KLHL15: variants seen among roughly 807,000 people sequenced by gnomAD.
KLHL15 encodes kelch-like protein 15.
Under a neutral mutation model 29.3 loss-of-function variants are expected in KLHL15, and 1 was observed. The ratio of observed to expected loss-of-function variants is 0.03; its 90% CI spans 0.01 to 0.16. The LOEUF is 0.16. Ranked by LOEUF, KLHL15 falls within the 10% of genes least tolerant of loss-of-function variation. The probability of loss-of-function intolerance (pLI) is 1.00; values close to 1 mark genes in which losing one functional copy is unlikely to be tolerated. For missense variants in KLHL15, 215 were observed against 478.5 expected, an observed-to-expected ratio of 0.45 and a Z score of 5.14; for synonymous variants, 212 against 184.5, an observed-to-expected ratio of 1.15 and a Z score of -1.21.
intron 2 of KLHL15, among the ~76,000 whole-genome samples, chrX:24,020,719 A>G (rs1344952926): frequency 1.3e-4 from 15 of 111,976 alleles, no homozygotes; most frequent in Non-Finnish European, 2.8e-4. Flanking sequence ...CAGCTTCCCT[A>G]GCCTTTAGAG....
chrX:24,025,122 G>A, intron 1 of KLHL15, 64 bp from the exon 2 acceptor site: 1 of 295,050 alleles, frequency 3.4e-6, no homozygotes, highest in East Asian at 4.8e-5. Context: ...AGGCGGCGCG[G>A]CGTCGGGGCC....
chrX:24,008,931 CTTCT>C (rs902972255), intron 2 of KLHL15, among the ~76,000 whole-genome samples: 4 of 108,604 alleles, frequency 3.7e-5, no homozygotes, highest in Non-Finnish European at 7.6e-5. Context: ...CTTTCCAAGT[CTTCT>C]TTCTCTTAGC....
chrX:24,016,814 T>A (rs990147106), intron 2 of KLHL15, among the ~76,000 whole-genome samples: 12 of 111,385 alleles, frequency 1.1e-4, no homozygotes, highest in Non-Finnish European at 2.1e-4. Flanking sequence ...TGCCCCTTCG[T>A]GTGGTACTAC....
intron 3 of KLHL15, among the ~76,000 whole-genome samples, chrX:24,000,144 G>A (rs934120530): frequency 8.9e-6 from 1 of 111,953 alleles, no homozygotes; most frequent in Non-Finnish European, 1.9e-5. Flanking sequence ...AAGCTTATTA[G>A]AAATTCTAAT....
In KLHL15 at chrX:24,022,925, G is replaced by T. The variant is rs1929843206; in HGVS notation, c.-8+1932C>A. 2.7e-5 allele frequency among the ~76,000 whole-genome samples: 3 copies of T among 109,713 alleles called. No homozygotes were observed. In the Admixed American group the frequency reaches 2.9e-4, roughly 11 times the overall value. Reference sequence around the variant, plus strand: ...AACTTTGTGTTTTTAGTAGAGACGGGGTTTCTCCACGTTGGTTAGGCTGGT... The same window carrying T: ...AACTTTGTGTTTTTAGTAGAGACGGTGTTTCTCCACGTTGGTTAGGCTGGT... On this transcript the variant is annotated intron_variant, in intron 2 of 3. Coordinates refer to ENST00000328046, the MANE Select transcript of KLHL15 (RefSeq NM_030624.3).
intron 2 of KLHL15, among the ~76,000 whole-genome samples, chrX:24,012,046 C>CG (rs760330799): frequency 1.8e-5 from 2 of 109,296 alleles, no homozygotes; most frequent in Non-Finnish European, 3.8e-5. Context: ...CTACTCAGGT[C>CG]GGGGGAGGCT....
At chrX:24,009,686 C>CAAA (rs748388349) in intron 2 of KLHL15, among the ~76,000 whole-genome samples, 3 of 34,217 alleles carry the variant, frequency 8.8e-5, no homozygotes, top group Admixed American at 4.5e-4. Flanking sequence ...GTTCCATTTT[C>CAAA]AAAAAAAAAA....
chrX:23,990,619 G>A (rs187114142), intron 3 of KLHL15, among the ~76,000 whole-genome samples: 19 of 110,962 alleles, frequency 1.7e-4, no homozygotes, highest in African/African-American at 5.9e-4. Context: ...GATATCAATA[G>A]GGAAAGCAGG....
intron 1 of KLHL15, among the ~76,000 whole-genome samples, chrX:24,026,865 C>T (rs1203636489): frequency 8.9e-6 from 1 of 111,990 alleles, no homozygotes; most frequent in Non-Finnish European, 1.9e-5. Context: ...ACTTTCTTTC[C>T]ATCTTTTCCA....
rs995143374 is a variant in KLHL15 at position 23,984,862 on chromosome X, A to G, written c.*3059T>C. ...ATGAGGTGTCCAAAGGTGCTGCTTT[A>G]GAAAAGATAAGTGAAGGGCTCAGTC... On this transcript the variant is annotated 3_prime_UTR_variant, in exon 4 of 4. Transcript: ENST00000328046. 1.8e-5 allele frequency: 2 copies of G among 112,468 alleles called. No homozygotes were observed. Among genetic ancestry groups the G allele is most frequent in the African/African-American group, 6.4e-5 (2 of 31,069 alleles). 9.3% of individuals were successfully genotyped at this position (112,468 alleles called of 1,213,427 possible).
rs1176487307 is a variant in KLHL15, at chrX:23,985,377, A to T, written c.*2544T>A. 1 of 112,151 alleles carries T rather than the reference A, an allele frequency of 8.9e-6. No individual in the cohort carries two copies. Among genetic ancestry groups the T allele is most frequent in the Non-Finnish European group, 1.9e-5 (1 of 53,224 alleles). The allele number at this position is 112,151 out of a possible 1,213,427, so 9.2% of individuals were successfully genotyped here. A position where few individuals can be genotyped will look rare whatever the true frequency, so the allele number is the denominator to read the frequency against. Reference sequence around the variant, plus strand: ...TCCATAGTTTAGTATAACAAAAATAAATCTCTTGCAGCAATAAAACCATAA... The same window carrying T: ...TCCATAGTTTAGTATAACAAAAATATATCTCTTGCAGCAATAAAACCATAA... On this transcript the variant is annotated 3_prime_UTR_variant, in exon 4 of 4. Transcript: ENST00000328046.
chrX:23,990,703 T>C (rs1035727167), intron 3 of KLHL15, among the ~76,000 whole-genome samples: 1 of 110,727 alleles, frequency 9.0e-6, no homozygotes, highest in African/African-American at 3.3e-5. Flanking sequence ...TAAGAGCCTG[T>C]TGGAAATCTG....
intron 2 of KLHL15, among the ~76,000 whole-genome samples, chrX:24,020,177 GAATT>G (rs1187132892): frequency 8.0e-5 from 9 of 112,375 alleles, no homozygotes; most frequent in East Asian, 5.6e-4. Flanking sequence ...GATAAAAACA[GAATT>G]AATTTCTGAG....
intron 2 of KLHL15, among the ~76,000 whole-genome samples, chrX:24,017,779 CAAAAAAA>C (rs531099917): frequency 4.0e-4 from 17 of 42,496 alleles, no homozygotes; most frequent in South Asian, 1.3e-3. Context: ...GACCATGTCC[CAAAAAAA>C]AAAAAAAAAA....
At chrX:24,021,602 T>A (rs776327389) in intron 2 of KLHL15, among the ~76,000 whole-genome samples, 1 of 112,417 alleles carries the variant, frequency 8.9e-6, no homozygotes, top group Admixed American at 9.5e-5. Flanking sequence ...TAATAAATAT[T>A]TGTTGGAAAG....
intron 1 of KLHL15, among the ~76,000 whole-genome samples, chrX:24,025,529 G>A (rs1363377927): frequency 9.3e-6 from 1 of 107,965 alleles, no homozygotes; most frequent in Non-Finnish European, 2.0e-5. Context: ...GAGGGCGGAG[G>A]GTGGGAAGCC....
At chrX:24,010,828 G>C (rs1779191911) in intron 2 of KLHL15, among the ~76,000 whole-genome samples, 1 of 111,015 alleles carries the variant, frequency 9.0e-6, no homozygotes, top group Admixed American at 9.7e-5. Context: ...CTTCTTTAGG[G>C]AGGCTGTCAC....
chrX:23,988,470 T>G lies in KLHL15; in HGVS notation c.1266A>C (p.Thr422=). The change falls in exon 4 of 4, where the codon ACA becomes ACC. Residue 422 remains threonine (T), a synonymous_variant. Transcript: ENST00000328046. ...TGATAAACAATTTGTTATTGAGCAC[T>G]GTCCCCTCATGTCCATATTTGTTAA... ...YPVNKYGHEG[T]VLNNKLFITG... is the part of the protein sequence containing the mutation. The G allele has an allele frequency of 8.3e-7, 1 of 1,210,498 alleles. No homozygotes were observed. The highest frequency in any genetic ancestry group is 1.1e-6 in the Non-Finnish European group (1 of 894,740).
intron 2 of KLHL15, among the ~76,000 whole-genome samples, chrX:24,014,643 T>C (rs1363915410): frequency 9.0e-6 from 1 of 111,191 alleles, no homozygotes; most frequent in East Asian, 2.8e-4. Context: ...TGGTAAACTG[T>C]GAGTCAGAAG....
Sources: allele counts gnomAD v4.1 joint callset (sites outside exome capture counted in the v4.1 genomes callset), GRCh38; gene constraint gnomAD v4.1.1; transcripts MANE v1.5; gene names NCBI Gene and HGNC (gene_info 2026-07-23, HGNC 2026-07-21).